Variants in AKAP12 observed in about 807,000 individuals in gnomAD.
AKAP12 encodes A-kinase anchoring protein 12, also known as A-kinase anchor protein 12.
AKAP12 carries 32 observed loss-of-function variants against 79.9 expected under a neutral mutation model. The observed-to-expected ratio is 0.40, with a 90% CI of 0.30 to 0.54. AKAP12 has a LOEUF of 0.54. AKAP12 is among the 20% of genes least tolerant of loss of function. AKAP12 has a pLI of 0.48. For synonymous variants in AKAP12, 808 were observed against 857.0 expected, an observed-to-expected ratio of 0.94 and a Z score of 1.00; for missense variants, 2,074 against 2,177.0, an observed-to-expected ratio of 0.95 and a Z score of 0.94.
chr6:151,302,661 G>A (rs890757085), intron 2 of AKAP12, among the ~76,000 whole-genome samples: 1 of 152,136 alleles, frequency 6.6e-6, no homozygotes, highest in African/African-American at 2.4e-5. Flanking sequence ...CTAAATAAGA[G>A]GCACAATTGA....
At chr6:151,250,730 C>G (rs867893332) in intron 2 of AKAP12, among the ~76,000 whole-genome samples, 4 of 151,256 alleles carry the variant, frequency 2.6e-5, no homozygotes, top group African/African-American at 9.7e-5. Flanking sequence ...CTCAGCCTCC[C>G]GAGTAGCTGG....
chr6:151,285,772 A>G (rs6903033), intron 2 of AKAP12, among the ~76,000 whole-genome samples: 138,960 of 152,202 alleles, frequency 0.91, 63,799 homozygotes, highest in East Asian at 1. Context: ...TGTATGCTCT[A>G]AACTTAAAGC....
chr6:151,327,966 G>C (rs1777570039), intron 3 of AKAP12, among the ~76,000 whole-genome samples: 1 of 152,190 alleles, frequency 6.6e-6, no homozygotes, highest in African/African-American at 2.4e-5. Context: ...TATTCTGATG[G>C]GGAAGATTCA....
rs117434223 is a variant in AKAP12, at chr6:151,268,596, T to C, written c.162+27872T>C. Among the ~76,000 whole-genome samples the C allele has an allele frequency of 8.5e-3, 1,291 of 152,342 alleles. 4 individuals carry two copies. Among genetic ancestry groups the C allele is most frequent in the Non-Finnish European group, 0.013 (914 of 68,026 alleles). ...TATTATATGGAAACTTCCAATTCTA[T>C]GTAACGTTTCCATTTTGGAAAAGAC... is the stretch of plus-strand genomic sequence containing the variant. On this transcript the variant is annotated intron_variant, in intron 2 of 4. Transcript: ENST00000402676.
chr6:151,333,215 C>T (rs537954415), intron 3 of AKAP12, among the ~76,000 whole-genome samples: 22 of 152,200 alleles, frequency 1.4e-4, no homozygotes, highest in African/African-American at 5.1e-4. Flanking sequence ...TGTGCCAGGC[C>T]TGCACGGGTT....
At chr6:151,315,717 G>C (rs1337339232) in intron 3 of AKAP12, among the ~76,000 whole-genome samples, 1 of 152,162 alleles carries the variant, frequency 6.6e-6, no homozygotes, top group Non-Finnish European at 1.5e-5. Context: ...TTCTCACACT[G>C]TTATAAAGAA....
At chr6:151,291,523 C>T (rs1285869550) in intron 2 of AKAP12, among the ~76,000 whole-genome samples, 1 of 152,198 alleles carries the variant, frequency 6.6e-6, no homozygotes, top group Non-Finnish European at 1.5e-5. Flanking sequence ...TTCCTCCAAG[C>T]AGACTGATAA....
chr6:151,310,189 C>T (rs971333772), intron 3 of AKAP12, among the ~76,000 whole-genome samples: 1 of 151,812 alleles, frequency 6.6e-6, no homozygotes, highest in Non-Finnish European at 1.5e-5. Context: ...ATGGTGAAAC[C>T]CCGTCTCTAC....
chr6:151,282,313 T>C (rs575892734), intron 2 of AKAP12, among the ~76,000 whole-genome samples: 2 of 152,218 alleles, frequency 1.3e-5, no homozygotes, highest in South Asian at 4.1e-4. Flanking sequence ...TTTTGCCATG[T>C]TGGCCAGGCT....
chr6:151,295,051 A>G (rs75915292), intron 2 of AKAP12, among the ~76,000 whole-genome samples: 7,361 of 152,260 alleles, frequency 0.048, 247 homozygotes, highest in East Asian at 0.11. Flanking sequence ...AACACTTCTG[A>G]GATAATGCGT....
At chr6:151,289,631 T>C (rs1562723220) in intron 2 of AKAP12, among the ~76,000 whole-genome samples, 2 of 152,192 alleles carry the variant, frequency 1.3e-5, no homozygotes, top group Non-Finnish European at 2.9e-5. Flanking sequence ...TATAACTGTT[T>C]TATTGAGTAA....
chr6:151,266,443 G>A (rs988495273), intron 2 of AKAP12, among the ~76,000 whole-genome samples: 4 of 152,204 alleles, frequency 2.6e-5, no homozygotes, highest in African/African-American at 9.6e-5. Flanking sequence ...GATGGCGTAA[G>A]GAGGAAGGCA....
chr6:151,330,168 T>TA (rs1777630014), intron 3 of AKAP12, among the ~76,000 whole-genome samples: 2 of 152,048 alleles, frequency 1.3e-5, no homozygotes, highest in Non-Finnish European at 2.9e-5. Flanking sequence ...TACAACAAAT[T>TA]AAAGATTTAG....
intron 3 of AKAP12, among the ~76,000 whole-genome samples, chr6:151,320,517 C>T (rs944313155): frequency 6.6e-6 from 1 of 152,118 alleles, no homozygotes; most frequent in Non-Finnish European, 1.5e-5. Context: ...CTCATTGCCC[C>T]TAATCCCTGT....
chr6:151,268,210 C>T (rs1467058882), intron 2 of AKAP12, among the ~76,000 whole-genome samples: 3 of 152,132 alleles, frequency 2.0e-5, no homozygotes, highest in African/African-American at 7.2e-5. Flanking sequence ...GTCGGGAGTT[C>T]GAGACCAGCC....
In AKAP12 at chr6:151,351,494, C is replaced by G; in HGVS notation, c.3103C>G (p.Gln1035Glu). ...VEGGVPDIEE[Q>E]ERRTQEVLQA... is the part of the protein sequence containing the mutation. ...AGGTGGCGTACCTGACATAGAAGAG[C>G]AAGAGAGGCGGACTCAAGAGGTCCT... The change falls in exon 4 of 5, where the codon CAA (glutamine) becomes GAA (glutamate). Residue 1035 changes from glutamine (Q) to glutamate (E), a missense_variant. Gln to Glu is a conservative substitution (Grantham distance 29). Coordinates refer to ENST00000402676, the MANE Select transcript of AKAP12 (RefSeq NM_005100.4). This position sits in a 1 kb window ranked among gnomAD's most constrained non-coding sequence, Gnocchi z 4.4. 6.2e-7 allele frequency: 1 copy of G among 1,614,114 alleles called. No homozygotes were observed. Among genetic ancestry groups the G allele is most frequent in the Non-Finnish European group, 8.5e-7 (1 of 1,180,022 alleles).
intron 3 of AKAP12, among the ~76,000 whole-genome samples, chr6:151,332,996 G>C (rs1777715829): frequency 6.6e-6 from 1 of 152,160 alleles, no homozygotes; most frequent in Non-Finnish European, 1.5e-5. Flanking sequence ...GTGTGGAAAA[G>C]ACCACTCCAA....
chr6:151,356,453 A>G lies in AKAP12; in HGVS notation c.*739A>G, dbSNP rs1778444017. On this transcript the variant is annotated 3_prime_UTR_variant, in exon 5 of 5. Coordinates refer to ENST00000402676, the MANE Select transcript of AKAP12 (RefSeq NM_005100.4). ...TAGAAAGAAGTTATATTCTGGTAGC[A>G]AATTAACTTTACATCCTTTTTCCTA... The G allele has an allele frequency of 6.6e-6, 1 of 152,004 alleles. No individual in the cohort carries two copies. Among genetic ancestry groups the G allele is most frequent in the South Asian group, 2.1e-4 (1 of 4,830 alleles). 9.4% of individuals were successfully genotyped at this position (152,004 alleles called of 1,614,324 possible).
chr6:151,244,847 T>G (rs1460567260), intron 2 of AKAP12, among the ~76,000 whole-genome samples: 1 of 152,232 alleles, frequency 6.6e-6, no homozygotes, highest in Non-Finnish European at 1.5e-5. Flanking sequence ...GGATGATTCT[T>G]TTGGGTACCG....
Sources: gnomAD v4.1 joint callset for allele counts (sites outside exome capture counted in the v4.1 genomes callset) on GRCh38, gnomAD v4.1.1 for gene constraint, Gnocchi (gnomAD v3.1) non-coding constraint, MANE v1.5 for transcripts, NCBI Gene and HGNC (gene_info 2026-07-23, HGNC 2026-07-21) for gene names.